Variants in TCERG1L observed in about 807,000 individuals in gnomAD.
TCERG1L encodes the protein transcription elongation regulator 1-like protein.
In TCERG1L, 37 loss-of-function variants were observed where a neutral mutation model predicts 56.3. That is an observed-to-expected ratio of 0.66 (90% CI 0.51 to 0.87). TCERG1L has a LOEUF of 0.87. TCERG1L is among the 40% of genes least tolerant of loss of function. The probability of loss-of-function intolerance (pLI) is 0.00; values close to 1 mark genes in which losing one functional copy is unlikely to be tolerated. For missense variants in TCERG1L, 799 were observed against 774.2 expected (o/e 1.03, Z -0.38); for synonymous variants, 324 against 326.3 (o/e 0.99, Z 0.08).
At chr10:131,198,529 CG>C (rs1845391969) in intron 4 of TCERG1L, among the ~76,000 whole-genome samples, 1 of 152,258 alleles carries the variant, frequency 6.6e-6, no homozygotes, top group African/African-American at 2.4e-5. Context: ...TGTTCCTCAC[CG>C]TCCGGAGGCT....
At chr10:131,130,515 C>A (rs1054574703) in intron 8 of TCERG1L, among the ~76,000 whole-genome samples, 2 of 152,198 alleles carry the variant, frequency 1.3e-5, no homozygotes, top group South Asian at 2.1e-4. Context: ...TCAGGGCCCA[C>A]GCCCCTGTGT....
At chr10:131,253,369 G>A (rs933148470) in intron 4 of TCERG1L, among the ~76,000 whole-genome samples, 3 of 151,178 alleles carry the variant, frequency 2.0e-5, no homozygotes, top group Non-Finnish European at 4.4e-5. Flanking sequence ...GTCTTCAGTG[G>A]CCTTCGACCC....
intron 4 of TCERG1L, among the ~76,000 whole-genome samples, chr10:131,236,112 T>G (rs1395947084): frequency 6.6e-6 from 1 of 152,188 alleles, no homozygotes; most frequent in Non-Finnish European, 1.5e-5. Flanking sequence ...GGACGACTCT[T>G]GCACTCCCAT....
chr10:131,241,751 T>A (rs1022868524), intron 4 of TCERG1L, among the ~76,000 whole-genome samples: 17 of 152,136 alleles, frequency 1.1e-4, no homozygotes, highest in African/African-American at 3.9e-4. Flanking sequence ...ATATACATGC[T>A]TATGTATACA....
chr10:131,116,409 C>T (rs1845459723), intron 9 of TCERG1L, among the ~76,000 whole-genome samples: 1 of 152,146 alleles, frequency 6.6e-6, no homozygotes. Context: ...TCAGGCCACC[C>T]AGGACCCGGC....
chr10:131,093,677 G>T (rs538649107), intron 11 of TCERG1L, among the ~76,000 whole-genome samples: 1 of 152,304 alleles, frequency 6.6e-6, no homozygotes, highest in African/African-American at 2.4e-5. Flanking sequence ...CTGCCACCAG[G>T]CTCTGCCTGC....
At chr10:131,100,182 T>C (rs1408738102) in intron 10 of TCERG1L, among the ~76,000 whole-genome samples, 1 of 152,204 alleles carries the variant, frequency 6.6e-6, no homozygotes. Context: ...TGGCTTCTTA[T>C]GCCTTCAAGG....
intron 9 of TCERG1L, among the ~76,000 whole-genome samples, chr10:131,107,368 C>T (rs994336231): frequency 2.0e-5 from 3 of 152,118 alleles, no homozygotes; most frequent in Non-Finnish European, 4.4e-5. Context: ...GTAGTTTTTG[C>T]CCCCGAAGGG....
Position 131,149,174 on chromosome 10 carries a change from G to C in TCERG1L, c.1035-2514C>G, listed in dbSNP as rs548896932. Among the ~76,000 whole-genome samples, 10 of 152,368 alleles carry C rather than the reference G, an allele frequency of 6.6e-5. No individual in the cohort carries two copies. The South Asian group carries it at 2.1e-3, about 32-fold the overall frequency. ...TTTATCTGGACAGTCCACCCAACTA[G>C]GGAAATGGACCAAGATAGAGTGTAT... On this transcript the variant is annotated intron_variant, in intron 6 of 11. Transcript: ENST00000368642.
intron 4 of TCERG1L, among the ~76,000 whole-genome samples, chr10:131,216,421 C>A (rs2944491): frequency 0.04 from 6,130 of 152,236 alleles, 145 homozygotes; most frequent in Non-Finnish European, 0.046. Context: ...TCAGTTTGGA[C>A]AATATCTTGC....
intron 9 of TCERG1L, among the ~76,000 whole-genome samples, chr10:131,105,813 T>C (rs1235413825): frequency 3.9e-5 from 6 of 152,272 alleles, no homozygotes; most frequent in Non-Finnish European, 7.3e-5. Flanking sequence ...ATGCTTGGGC[T>C]GGACTCCAGT....
chr10:131,159,449 C>T lies in TCERG1L; in HGVS notation c.1034+3673G>A, dbSNP rs147612627. Among the ~76,000 whole-genome samples, 151 of 152,262 alleles carry T rather than the reference C, an allele frequency of 9.9e-4. No individual in the cohort carries two copies. The Middle Eastern group carries it at 0.01, about 10-fold the overall frequency. Reference sequence around the variant, plus strand: ...CTTCTTAGAAAGTTCACGGCGGCCACAGTCTCTGAGACATTCTCTGTCTGG... The same window carrying T: ...CTTCTTAGAAAGTTCACGGCGGCCATAGTCTCTGAGACATTCTCTGTCTGG... On this transcript the variant is annotated intron_variant, in intron 6 of 11. Coordinates refer to ENST00000368642, the MANE Select transcript of TCERG1L (RefSeq NM_174937.4).
At chr10:131,193,135 G>A (rs1350915517) in intron 4 of TCERG1L, among the ~76,000 whole-genome samples, 4 of 152,184 alleles carry the variant, frequency 2.6e-5, no homozygotes, top group African/African-American at 9.6e-5. Context: ...TCATATGTCT[G>A]TTGGTTTTTT....
At chr10:131,218,827 G>A (rs934715206) in intron 4 of TCERG1L, among the ~76,000 whole-genome samples, 1 of 152,204 alleles carries the variant, frequency 6.6e-6, no homozygotes, top group Non-Finnish European at 1.5e-5. Flanking sequence ...CATGTCCTGA[G>A]ACCAGTGTGG....
intron 8 of TCERG1L, among the ~76,000 whole-genome samples, chr10:131,125,159 GTGATGA>G (rs34057810): frequency 6.6e-6 from 1 of 151,906 alleles, no homozygotes; most frequent in Admixed American, 6.6e-5. Context: ...GGTGGTGGTG[GTGATGA>G]TGATGATGAT....
At chr10:131,156,573 G>A (rs1455899145) in intron 6 of TCERG1L, among the ~76,000 whole-genome samples, 1 of 152,102 alleles carries the variant, frequency 6.6e-6, no homozygotes, top group Non-Finnish European at 1.5e-5. Flanking sequence ...AAAACTAAAA[G>A]GCAGAAATGA....
chr10:131,112,856 G>C lies in TCERG1L; in HGVS notation c.1395+3943C>G, dbSNP rs1242503717. On this transcript the variant is annotated intron_variant, in intron 9 of 11. Transcript: ENST00000368642. The stretch of plus-strand genomic sequence containing the variant: ...TTTGCCGAGCGGTAACCTTACCAAG[G>C]ACTGGGAAGCAGGGTTTTCACCTAC... 1.4e-5 allele frequency among the ~76,000 whole-genome samples: 2 copies of C among 142,574 alleles called. 1 individual carries two copies. 93.5% of individuals were successfully genotyped at this position (142,574 alleles called of 152,430 possible).
At chr10:131,276,362 G>A (rs150414804) in intron 3 of TCERG1L, among the ~76,000 whole-genome samples, 103 of 152,326 alleles carry the variant, frequency 6.8e-4, no homozygotes, top group Non-Finnish European at 1.3e-3. Context: ...CTTGAGAGGA[G>A]GACAGAAGCC....
chr10:131,188,269 C>G (rs538997482), intron 4 of TCERG1L, among the ~76,000 whole-genome samples: 1 of 152,172 alleles, frequency 6.6e-6, no homozygotes, highest in African/African-American at 2.4e-5. Context: ...ATAGTGGGTA[C>G]TGAAGTGCCG....
Sources: allele counts gnomAD v4.1 joint callset (sites outside exome capture counted in the v4.1 genomes callset), GRCh38; gene constraint gnomAD v4.1.1; transcripts MANE v1.5; gene names NCBI Gene and HGNC (gene_info 2026-07-23, HGNC 2026-07-21).